The following ROR2 variants were observed in gnomAD, a reference collection of about 807,000 sequenced individuals.
ROR2 encodes ROR family WNT receptor 2.
A neutral mutation model predicts 74.9 loss-of-function variants in ROR2; 33 were observed. That is an observed-to-expected ratio of 0.44 (90% CI 0.33 to 0.59). ROR2 has a LOEUF of 0.59. Ranked by LOEUF, ROR2 falls within the 20% of genes least tolerant of loss-of-function variation. The probability of loss-of-function intolerance (pLI) is 0.02; values close to 1 mark genes in which losing one functional copy is unlikely to be tolerated. For synonymous variants in ROR2, 586 were observed against 558.7 expected (o/e 1.05, Z -0.69); for missense variants, 1,216 against 1,313.8 (o/e 0.93, Z 1.15).
intron 1 of ROR2, among the ~76,000 whole-genome samples, chr9:91,871,510 C>G (rs187362692): frequency 6.6e-6 from 1 of 152,280 alleles, no homozygotes; most frequent in East Asian, 1.9e-4. Context: ...TAAATTCTTG[C>G]GACAGGTTGT....
intron 1 of ROR2, among the ~76,000 whole-genome samples, chr9:91,926,561 G>A (rs79357044): frequency 0.024 from 2,933 of 120,648 alleles, 66 homozygotes; most frequent in African/African-American, 0.062. Context: ...AAAAAAAAAA[G>A]AAGACATCCT....
At chr9:91,841,218 T>C (rs1364646828) in intron 1 of ROR2, among the ~76,000 whole-genome samples, 1 of 152,226 alleles carries the variant, frequency 6.6e-6, no homozygotes, top group East Asian at 1.9e-4. Context: ...TTTGTGGGTG[T>C]TCACTCCCAG....
chr9:91,909,847 G>GTTTTTTTTTTTTTTTTTTTTTTTTT (rs71362365), intron 1 of ROR2, among the ~76,000 whole-genome samples: 17 of 53,600 alleles, frequency 3.2e-4, no homozygotes, highest in Admixed American at 6.7e-4. Flanking sequence ...GGTTTGTTTT[G>GTTTTTTTTTTTTTTTTTTTTTTTTT]TTTTTTTTTT....
chr9:91,756,363 A>G (rs1293151009), intron 3 of ROR2, among the ~76,000 whole-genome samples: 1 of 152,202 alleles, frequency 6.6e-6, no homozygotes, highest in Non-Finnish European at 1.5e-5. Flanking sequence ...TAGTCTTTAC[A>G]CACAAAATCT....
At chr9:91,731,660 G>C (rs928252836) in intron 6 of ROR2, among the ~76,000 whole-genome samples, 1 of 152,150 alleles carries the variant, frequency 6.6e-6, no homozygotes, top group Non-Finnish European at 1.5e-5. Flanking sequence ...AAACCCTCCT[G>C]GCTGGGGCAC....
intron 1 of ROR2, among the ~76,000 whole-genome samples, chr9:91,851,607 T>C (rs1049273467): frequency 6.6e-6 from 1 of 152,216 alleles, no homozygotes; most frequent in Non-Finnish European, 1.5e-5. Context: ...ACTGGGGTGC[T>C]AGTTGGAACT....
intron 1 of ROR2, among the ~76,000 whole-genome samples, chr9:91,856,890 G>A (rs1829308637): frequency 6.6e-6 from 1 of 152,198 alleles, no homozygotes; most frequent in Non-Finnish European, 1.5e-5. Context: ...CATGCCAGGG[G>A]TATTATTTTA....
chr9:91,886,077 G>A (rs1830262743), intron 1 of ROR2, among the ~76,000 whole-genome samples: 1 of 151,908 alleles, frequency 6.6e-6, no homozygotes, highest in Non-Finnish European at 1.5e-5. Flanking sequence ...ATTTCACCAT[G>A]TTGGTCAGGC....
intron 1 of ROR2, among the ~76,000 whole-genome samples, chr9:91,890,927 A>T (rs1480321138): frequency 1.3e-5 from 2 of 152,136 alleles, no homozygotes; most frequent in Admixed American, 6.5e-5. Flanking sequence ...TTTTCCCTCT[A>T]AAATTAAAAT....
intron 1 of ROR2, among the ~76,000 whole-genome samples, chr9:91,819,848 T>A (rs1171676347): frequency 6.6e-6 from 1 of 152,040 alleles, no homozygotes; most frequent in African/African-American, 2.4e-5. Context: ...TGTCTCTAAG[T>A]GTGTTCTCTG....
intron 1 of ROR2, among the ~76,000 whole-genome samples, chr9:91,784,500 A>G (rs1336560320): frequency 2.0e-5 from 3 of 152,162 alleles, no homozygotes; most frequent in African/African-American, 7.2e-5. Context: ...CTAAGTTCAA[A>G]GGCAGGCAGA....
At chr9:91,892,257 T>C (rs1284302791) in intron 1 of ROR2, among the ~76,000 whole-genome samples, 1 of 152,182 alleles carries the variant, frequency 6.6e-6, no homozygotes, top group African/African-American at 2.4e-5. Context: ...CAGCACATCC[T>C]TGGGTAGGGC....
At chr9:91,832,825 G>A (rs911124297) in intron 1 of ROR2, among the ~76,000 whole-genome samples, 7 of 152,174 alleles carry the variant, frequency 4.6e-5, no homozygotes, top group African/African-American at 1.7e-4. Context: ...CCAAAACAAT[G>A]GAGAGAAACA....
chr9:91,805,493 C>T (rs1346111782), intron 1 of ROR2, among the ~76,000 whole-genome samples: 1 of 152,214 alleles, frequency 6.6e-6, no homozygotes, highest in African/African-American at 2.4e-5. Flanking sequence ...CTCTACTTCT[C>T]AGCTAGAGCA....
chr9:91,835,462 G>C (rs190266610), intron 1 of ROR2, among the ~76,000 whole-genome samples: 112 of 152,190 alleles, frequency 7.4e-4, no homozygotes, highest in South Asian at 1.9e-3. Flanking sequence ...AGCAAAAACA[G>C]CCTGTCAGAG....
At chr9:91,791,546 T>C (rs552351663) in intron 1 of ROR2, among the ~76,000 whole-genome samples, 2 of 152,196 alleles carry the variant, frequency 1.3e-5, no homozygotes, top group Non-Finnish European at 2.9e-5. Context: ...CATCAATCTA[T>C]TATAAATGTA....
At chr9:91,819,160 C>T (rs1036336509) in intron 1 of ROR2, among the ~76,000 whole-genome samples, 2 of 152,136 alleles carry the variant, frequency 1.3e-5, no homozygotes, top group African/African-American at 2.4e-5. Flanking sequence ...CTCTGCAGCC[C>T]CCGCAGCCAC....
chr9:91,755,433 C>T (rs4467996), intron 4 of ROR2, among the ~76,000 whole-genome samples: 1 of 152,114 alleles, frequency 6.6e-6, no homozygotes, highest in South Asian at 2.1e-4. Flanking sequence ...TCTCAAACAC[C>T]GGCAATGGAA....
intron 1 of ROR2, among the ~76,000 whole-genome samples, chr9:91,895,127 AAAC>A (rs1208077931): frequency 6.6e-6 from 1 of 152,260 alleles, no homozygotes; most frequent in East Asian, 1.9e-4. Flanking sequence ...GAGATAGAGC[AAAC>A]TTAAATGCCA....
Sources: allele counts gnomAD v4.1 joint callset (sites outside exome capture counted in the v4.1 genomes callset), GRCh38; gene constraint gnomAD v4.1.1; transcripts MANE v1.5; gene names NCBI Gene and HGNC (gene_info 2026-07-23, HGNC 2026-07-21).